Variants in NIPAL2 observed in about 807,000 individuals in gnomAD.
The protein encoded by NIPAL2 is NIPA like domain containing 2, also known as NIPA-like protein 2.
In NIPAL2, 43 loss-of-function variants were observed where a neutral mutation model predicts 48.9. The observed-to-expected ratio is 0.88, with a 90% CI of 0.69 to 1.13. The LOEUF is 1.13. NIPAL2 is among the 50% of genes most tolerant of loss of function. The probability of loss-of-function intolerance (pLI) is 0.00; values close to 1 mark genes in which losing one functional copy is unlikely to be tolerated. For synonymous variants in NIPAL2, 167 were observed against 174.6 expected (o/e 0.96, Z 0.34); for missense variants, 446 against 461.4 (o/e 0.97, Z 0.31).
intron 3 of NIPAL2, among the ~76,000 whole-genome samples, chr8:98,240,858 C>A (rs2130801087): frequency 6.6e-6 from 1 of 152,294 alleles, no homozygotes; most frequent in African/African-American, 2.4e-5. Flanking sequence ...GGATGTAGAA[C>A]ACCTGGGTTT....
chr8:98,197,582 A>C (rs925342807), intron 8 of NIPAL2, among the ~76,000 whole-genome samples: 1 of 152,250 alleles, frequency 6.6e-6, no homozygotes, highest in African/African-American at 2.4e-5. Context: ...AATTCTTTCA[A>C]AATCTCTACT....
chr8:98,220,143 T>G (rs1481118875), intron 5 of NIPAL2, among the ~76,000 whole-genome samples: 1 of 152,112 alleles, frequency 6.6e-6, no homozygotes, highest in East Asian at 1.9e-4. Context: ...TCTGTAAGTA[T>G]TTGTGTTCTA....
intron 4 of NIPAL2, among the ~76,000 whole-genome samples, chr8:98,224,914 G>A (rs1399958340): frequency 3.3e-5 from 5 of 151,504 alleles, no homozygotes; most frequent in Non-Finnish European, 5.9e-5. Context: ...GTGCCACCAC[G>A]CCCAGCTAAT....
intron 1 of NIPAL2, among the ~76,000 whole-genome samples, chr8:98,276,660 G>T (rs1440273315): frequency 6.6e-6 from 1 of 151,900 alleles, no homozygotes; most frequent in Non-Finnish European, 1.5e-5. Flanking sequence ...GGCTATACCT[G>T]CATTCCCACT....
chr8:98,198,782 T>A (rs750326662), intron 8 of NIPAL2, among the ~76,000 whole-genome samples: 2 of 152,196 alleles, frequency 1.3e-5, no homozygotes, highest in Admixed American at 1.3e-4. Flanking sequence ...AGTTACGGCC[T>A]TGCTCTGGTT....
intron 3 of NIPAL2, among the ~76,000 whole-genome samples, chr8:98,248,153 G>T (rs577198200): frequency 2.0e-5 from 3 of 152,308 alleles, no homozygotes; most frequent in African/African-American, 7.2e-5. Flanking sequence ...ATATGTGAAG[G>T]AGTTGAAGGG....
At chr8:98,200,502 T>C (rs1185964752) in intron 8 of NIPAL2, among the ~76,000 whole-genome samples, 1 of 152,232 alleles carries the variant, frequency 6.6e-6, no homozygotes, top group African/African-American at 2.4e-5. Context: ...ATTGTATATA[T>C]ATACCACATT....
intron 3 of NIPAL2, among the ~76,000 whole-genome samples, chr8:98,245,505 ACTGT>A (rs1277124773): frequency 6.6e-6 from 1 of 152,238 alleles, no homozygotes; most frequent in African/African-American, 2.4e-5. Flanking sequence ...TAATGAAGGA[ACTGT>A]CGTTCAGAGA....
intron 1 of NIPAL2, among the ~76,000 whole-genome samples, chr8:98,278,225 T>A (rs1270503803): frequency 7.0e-6 from 1 of 143,406 alleles, no homozygotes; most frequent in Non-Finnish European, 1.6e-5. Context: ...ATCATGGTTT[T>A]TTGTTTGTTT....
intron 6 of NIPAL2, among the ~76,000 whole-genome samples, chr8:98,210,748 A>G (rs1373425686): frequency 2.6e-5 from 4 of 152,146 alleles, no homozygotes; most frequent in African/African-American, 9.7e-5. Flanking sequence ...TCTGTTGCAT[A>G]TTGGATATGA....
intron 1 of NIPAL2, among the ~76,000 whole-genome samples, chr8:98,256,972 A>G (rs1813934324): frequency 6.6e-6 from 1 of 152,182 alleles, no homozygotes; most frequent in Non-Finnish European, 1.5e-5. Flanking sequence ...TTCAGCCTTA[A>G]AAAGGAAGGA....
chr8:98,233,688 T>C (rs1812558561), intron 4 of NIPAL2, among the ~76,000 whole-genome samples: 1 of 152,244 alleles, frequency 6.6e-6, no homozygotes, highest in Admixed American at 6.5e-5. Context: ...GTTTGGTTGA[T>C]CATGCGTTCT....
chr8:98,234,804 G>A (rs1312070922), intron 4 of NIPAL2, among the ~76,000 whole-genome samples: 1 of 150,762 alleles, frequency 6.6e-6, no homozygotes, highest in Non-Finnish European at 1.5e-5. Context: ...CGTCTGCCTC[G>A]GCCTCCCAAA....
chr8:98,215,033 T>A (rs1266518092), intron 5 of NIPAL2, among the ~76,000 whole-genome samples: 1 of 152,212 alleles, frequency 6.6e-6, no homozygotes, highest in Non-Finnish European at 1.5e-5. Flanking sequence ...ATGAGACAAT[T>A]ATAGACAATT....
At chr8:98,210,919 A>G (rs1464184177) in intron 6 of NIPAL2, among the ~76,000 whole-genome samples, 1 of 152,224 alleles carries the variant, frequency 6.6e-6, no homozygotes, top group African/African-American at 2.4e-5. Flanking sequence ...GCATGTAGCC[A>G]AAACACTTCG....
At chr8:98,215,736 G>T (rs534614796) in intron 5 of NIPAL2, among the ~76,000 whole-genome samples, 1 of 152,188 alleles carries the variant, frequency 6.6e-6, no homozygotes, top group Non-Finnish European at 1.5e-5. Flanking sequence ...GTATTAGGTT[G>T]GTGGGTTGGT....
intron 5 of NIPAL2, among the ~76,000 whole-genome samples, chr8:98,220,744 A>G (rs1339571111): frequency 1.3e-5 from 2 of 151,642 alleles, no homozygotes; most frequent in East Asian, 1.9e-4. Context: ...ATTTTACCAA[A>G]CCGGTTCTTG....
chr8:98,193,740 C>T (rs368125087), intron 10 of NIPAL2, among the ~76,000 whole-genome samples: 1 of 150,566 alleles, frequency 6.6e-6, no homozygotes, highest in South Asian at 2.1e-4. Flanking sequence ...GAGGGGGAGG[C>T]TGCAGTAAGC....
intron 1 of NIPAL2, among the ~76,000 whole-genome samples, chr8:98,263,536 T>C (rs1032407809): frequency 6.7e-6 from 1 of 148,936 alleles, no homozygotes; most frequent in African/African-American, 2.6e-5. Flanking sequence ...TAGAAGAAAT[T>C]GATAAATTCC....
Sources: gnomAD v4.1 joint callset for allele counts (sites outside exome capture counted in the v4.1 genomes callset) on GRCh38, gnomAD v4.1.1 for gene constraint, MANE v1.5 for transcripts, NCBI Gene and HGNC (gene_info 2026-07-23, HGNC 2026-07-21) for gene names.